DHRSX: variants seen among roughly 807,000 people sequenced by gnomAD.
DHRSX encodes polyprenol dehydrogenase.
In DHRSX, 31 loss-of-function variants were observed where a neutral mutation model predicts 34.0. The observed-to-expected ratio is 0.91, with a 90% CI of 0.69 to 1.23. The LOEUF (loss-of-function observed/expected upper bound fraction) is 1.23, where lower values mean the gene tolerates loss of function less well. Ranked by LOEUF, DHRSX falls within the 50% of genes most tolerant of loss-of-function variation. DHRSX has a pLI of 0.00. For missense variants in DHRSX, 414 were observed against 428.1 expected, an observed-to-expected ratio of 0.97 and a Z score of 0.29; for synonymous variants, 201 against 183.8, an observed-to-expected ratio of 1.09 and a Z score of -0.76.
chrX:2,438,008 G>GA (rs112487173), intron 1 of DHRSX, among the ~76,000 whole-genome samples: 5,843 of 147,214 alleles, frequency 0.04, 162 homozygotes, highest in Admixed American at 0.087. Context: ...TAACCATGGG[G>GA]AAAAAAAAAA....
chrX:2,264,158 A>G (rs373455380), intron 5 of DHRSX, among the ~76,000 whole-genome samples: 1 of 152,358 alleles, frequency 6.6e-6, no homozygotes, highest in East Asian at 1.9e-4. Context: ...CCCACAACAC[A>G]GCGCCAGGAG....
At chrX:2,374,246 T>G (rs903002938) in intron 3 of DHRSX, among the ~76,000 whole-genome samples, 1 of 152,210 alleles carries the variant, frequency 6.6e-6, no homozygotes, top group Non-Finnish European at 1.5e-5. Context: ...ATTTGGATTC[T>G]TGACAGAAGA....
At chrX:2,445,393 G>A (rs1393337966) in intron 1 of DHRSX, among the ~76,000 whole-genome samples, 12 of 151,612 alleles carry the variant, frequency 7.9e-5, no homozygotes, top group South Asian at 2.1e-4. Context: ...AACAAGGAGC[G>A]TTTCTTTGAC....
chrX:2,418,284 C>A (rs2043721288), intron 2 of DHRSX, among the ~76,000 whole-genome samples: 1 of 152,164 alleles, frequency 6.6e-6, no homozygotes, highest in Non-Finnish European at 1.5e-5. Context: ...ACTACTTCAT[C>A]ATGACATAAC....
At chrX:2,265,887 A>C (rs1479790797) in intron 5 of DHRSX, among the ~76,000 whole-genome samples, 3 of 140,606 alleles carry the variant, frequency 2.1e-5, no homozygotes. Context: ...TGCTCGGCGG[A>C]CACAGGGAGC....
chrX:2,409,347 C>T (rs2043597698), intron 2 of DHRSX, among the ~76,000 whole-genome samples: 1 of 152,094 alleles, frequency 6.6e-6, no homozygotes, highest in African/African-American at 2.4e-5. Flanking sequence ...CATAGGTATA[C>T]ACGTGCCATG....
intron 1 of DHRSX, among the ~76,000 whole-genome samples, chrX:2,467,691 G>A (rs1181532605): frequency 2.0e-5 from 3 of 152,142 alleles, no homozygotes; most frequent in Non-Finnish European, 4.4e-5. Flanking sequence ...AATAAAAAGT[G>A]CAGCCGGACG....
chrX:2,370,818 C>T, intron 3 of DHRSX, among the ~76,000 whole-genome samples: 1 of 152,142 alleles, frequency 6.6e-6, no homozygotes. Flanking sequence ...CCAGCCTCAC[C>T]TGGAGCAAAC....
chrX:2,495,241 T>C (rs1413377351), intron 1 of DHRSX, among the ~76,000 whole-genome samples: 2 of 151,384 alleles, frequency 1.3e-5, no homozygotes, highest in African/African-American at 4.8e-5. Flanking sequence ...TGAAAGACGT[T>C]CCAGGACGTG....
At chrX:2,331,511 G>A (rs1433143946) in intron 3 of DHRSX, among the ~76,000 whole-genome samples, 1 of 133,222 alleles carries the variant, frequency 7.5e-6, no homozygotes, top group Non-Finnish European at 1.6e-5. Context: ...GCCATAGCGC[G>A]ATCTTGGCTC....
At chrX:2,348,005 G>C (rs1416523360) in intron 3 of DHRSX, among the ~76,000 whole-genome samples, 1 of 152,158 alleles carries the variant, frequency 6.6e-6, no homozygotes, top group Non-Finnish European at 1.5e-5. Context: ...ATGCGTTCTG[G>C]CAGTGCCAAC....
chrX:2,378,611 T>C (rs2043168673), intron 3 of DHRSX, among the ~76,000 whole-genome samples: 1 of 152,144 alleles, frequency 6.6e-6, no homozygotes, highest in South Asian at 2.1e-4. Flanking sequence ...TACTATATTT[T>C]TCTCTAGGTT....
At chrX:2,497,335 G>A (rs2045310513) in intron 1 of DHRSX, among the ~76,000 whole-genome samples, 1 of 152,184 alleles carries the variant, frequency 6.6e-6, no homozygotes, top group African/African-American at 2.4e-5. Flanking sequence ...AGAGGTTGTG[G>A]TGAGCTGAGA....
At chrX:2,230,260 C>T (rs1390128085) in intron 6 of DHRSX, among the ~76,000 whole-genome samples, 3 of 152,180 alleles carry the variant, frequency 2.0e-5, no homozygotes, top group Non-Finnish European at 2.9e-5. Context: ...CGTGCACACA[C>T]GTGCTCTCAA....
intron 1 of DHRSX, among the ~76,000 whole-genome samples, chrX:2,425,974 T>A (rs1393426063): frequency 6.6e-6 from 1 of 152,094 alleles, no homozygotes; most frequent in Admixed American, 6.5e-5. Context: ...GACTCTCTGG[T>A]ACCTGGCTTT....
At position 2,295,388 on chromosome X, in the gene DHRSX, A is replaced by G. The variant is rs772168968; in HGVS notation, c.287-3785T>C. ...GAAGTTGAACAATGAGAACACATGGACACAGGGAGGGGAACATCACACACC... is the reference window on the plus strand; with the variant it reads ...GAAGTTGAACAATGAGAACACATGGGCACAGGGAGGGGAACATCACACACC... On this transcript the variant is annotated intron_variant, in intron 3 of 6. Transcript: ENST00000334651. Among the ~76,000 whole-genome samples, 5 of 152,268 alleles carry G rather than the reference A, an allele frequency of 3.3e-5. No individual in the cohort carries two copies. In the South Asian group the frequency reaches 1.0e-3, roughly 32 times the overall value.
chrX:2,354,935 A>G (rs1462062976), intron 3 of DHRSX, among the ~76,000 whole-genome samples: 1 of 152,200 alleles, frequency 6.6e-6, no homozygotes, highest in Non-Finnish European at 1.5e-5. Context: ...ATGGAGGGAA[A>G]ATATCCATCT....
chrX:2,324,107 T>C (rs1366949163), intron 3 of DHRSX, among the ~76,000 whole-genome samples: 2 of 152,110 alleles, frequency 1.3e-5, no homozygotes, highest in African/African-American at 2.4e-5. Context: ...TGACTCTGCT[T>C]TGTAATTAAA....
In DHRSX at chrX:2,318,464, G is replaced by A. The variant is rs186826145; in HGVS notation, c.287-26861C>T. ...GACCTTGTTGATAAAACAGGTTGTG[G>A]TAAAGAAGCTGGCCAAACCCCATGC... On this transcript the variant is annotated intron_variant, in intron 3 of 6. Coordinates refer to ENST00000334651, the MANE Select transcript of DHRSX (RefSeq NM_145177.3). Among the ~76,000 whole-genome samples the A allele has an allele frequency of 4.1e-3, 622 of 151,800 alleles. 2 individuals carry two copies. Among genetic ancestry groups the A allele is most frequent in the Middle Eastern group, 0.017 (5 of 294 alleles).
Sources: allele counts gnomAD v4.1 joint callset (sites outside exome capture counted in the v4.1 genomes callset), GRCh38; gene constraint gnomAD v4.1.1; transcripts MANE v1.5; gene names NCBI Gene and HGNC (gene_info 2026-07-23, HGNC 2026-07-21).